Variants in QTGAL observed in about 807,000 individuals in gnomAD.
The protein encoded by QTGAL is queuosine-tRNA galactosyltransferase, also known as BGnT-like protein 1.
the QTGAL span, chr17:82,942,794 A>C: frequency 4.7e-6 from 2 of 425,298 alleles, no homozygotes; most frequent in Non-Finnish European, 8.4e-6. Context: ...GGTGGGCTGC[A>C]CTCCTCCTGC....
At chr17:83,020,712 T>C in the QTGAL span, among the ~76,000 whole-genome samples, 1 of 152,172 alleles carries the variant, frequency 6.6e-6, no homozygotes, top group South Asian at 2.1e-4. Flanking sequence ...CTCAAAGAGT[T>C]ACTGATTCTG....
chr17:83,015,083 C>T, the QTGAL span, among the ~76,000 whole-genome samples: 2 of 150,862 alleles, frequency 1.3e-5, no homozygotes, highest in African/African-American at 2.4e-5. The surrounding 1 kb of genome is among the most constrained non-coding windows in gnomAD (Gnocchi z 4.4). Flanking sequence ...TGGAGGGGAC[C>T]GTCTGCGGTG....
the QTGAL span, among the ~76,000 whole-genome samples, chr17:83,039,676 C>T: frequency 6.6e-6 from 1 of 152,208 alleles, no homozygotes; most frequent in Non-Finnish European, 1.5e-5. Context: ...GCTCATTTCA[C>T]ACCTCACAGC....
At chr17:83,000,165 C>T in the QTGAL span, among the ~76,000 whole-genome samples, 10 of 151,984 alleles carry the variant, frequency 6.6e-5, no homozygotes, top group Non-Finnish European at 1.3e-4. Flanking sequence ...GTTTCACCAT[C>T]TTGGCCAGGC....
chr17:82,971,376 G>A, the QTGAL span, among the ~76,000 whole-genome samples: 1 of 152,194 alleles, frequency 6.6e-6, no homozygotes, highest in Non-Finnish European at 1.5e-5. Flanking sequence ...AGAGCACTAG[G>A]GGCTGCACCT....
the QTGAL span, among the ~76,000 whole-genome samples, chr17:83,045,166 G>A: frequency 6.6e-6 from 1 of 152,136 alleles, no homozygotes; most frequent in Non-Finnish European, 1.5e-5. Context: ...AGAAAATTAA[G>A]AAAACAATTC....
At chr17:82,973,362 C>T in the QTGAL span, among the ~76,000 whole-genome samples, 1 of 152,140 alleles carries the variant, frequency 6.6e-6, no homozygotes, top group Admixed American at 6.5e-5. Flanking sequence ...AATCACTGAG[C>T]TATGAAGGAC....
the QTGAL span, among the ~76,000 whole-genome samples, chr17:82,991,753 T>C: frequency 6.6e-6 from 1 of 152,148 alleles, no homozygotes; most frequent in Non-Finnish European, 1.5e-5. Context: ...AACAGAGATA[T>C]GTGACCTTTC....
chr17:82,983,902 G>A, the QTGAL span, among the ~76,000 whole-genome samples: 1 of 152,222 alleles, frequency 6.6e-6, no homozygotes, highest in Admixed American at 6.5e-5. Flanking sequence ...GCCCTGGACT[G>A]TTGTCCTTAT....
chr17:83,048,977 GT>G, the QTGAL span: 1 of 562,470 alleles, frequency 1.8e-6, no homozygotes, highest in African/African-American at 1.9e-5. Flanking sequence ...CCTTCTACAT[GT>G]TTTTGAAAGT....
the QTGAL span, among the ~76,000 whole-genome samples, chr17:82,970,632 C>CGACCTCCCCACCCAGCGTGGCCGT: frequency 1.3e-4 from 4 of 29,862 alleles, 1 homozygote; most frequent in African/African-American, 3.7e-4. Flanking sequence ...GGCGTGGCCG[C>CGACCTCCCCACCCAGCGTGGCCGT]GACCTCCGCA....
chr17:83,026,199 A>C, the QTGAL span, among the ~76,000 whole-genome samples: 3 of 152,198 alleles, frequency 2.0e-5, no homozygotes, highest in Non-Finnish European at 4.4e-5. Flanking sequence ...CGGAATTCTA[A>C]GTGCTGGAGA....
chr17:82,983,491 T>G, the QTGAL span, among the ~76,000 whole-genome samples: 3 of 152,198 alleles, frequency 2.0e-5, no homozygotes, highest in Non-Finnish European at 2.9e-5. Flanking sequence ...GGGCACGCGT[T>G]AGAGACACAC....
the QTGAL span, among the ~76,000 whole-genome samples, chr17:83,051,510 C>A: frequency 6.6e-6 from 1 of 152,214 alleles, no homozygotes; most frequent in Non-Finnish European, 1.5e-5. Context: ...GCAGCCGGAG[C>A]TGCAGATCTC....
the QTGAL span, among the ~76,000 whole-genome samples, chr17:83,033,244 C>T: frequency 0.5 from 76,076 of 151,974 alleles, 19,300 homozygotes; most frequent in East Asian, 0.62. Flanking sequence ...AGTGACTCCC[C>T]CATGGAGACC....
At chr17:83,033,011 G>A in the QTGAL span, among the ~76,000 whole-genome samples, 2 of 152,260 alleles carry the variant, frequency 1.3e-5, no homozygotes, top group African/African-American at 4.8e-5. Context: ...CCCCGCGTAG[G>A]CAGGAGCTCT....
At chr17:83,026,801 G>A in the QTGAL span, among the ~76,000 whole-genome samples, 1 of 116,602 alleles carries the variant, frequency 8.6e-6, no homozygotes, top group African/African-American at 3.6e-5. Flanking sequence ...ACCCACCCTC[G>A]ACAGACACAC....
chr17:83,026,409 C>T, the QTGAL span, among the ~76,000 whole-genome samples: 28 of 152,384 alleles, frequency 1.8e-4, no homozygotes, highest in East Asian at 7.7e-4. Context: ...CGGATGTACA[C>T]GGCAGGTTTG....
At chr17:83,010,123 CT>C in the QTGAL span, among the ~76,000 whole-genome samples, 1 of 151,040 alleles carries the variant, frequency 6.6e-6, no homozygotes, top group Admixed American at 6.6e-5. Context: ...GCGGGGGCCC[CT>C]GGTGTGGGGT....
Sources: gnomAD v4.1 joint callset for allele counts (sites outside exome capture counted in the v4.1 genomes callset) on GRCh38, gnomAD v4.1.1 for gene constraint, Gnocchi (gnomAD v3.1) non-coding constraint, MANE v1.5 for transcripts, NCBI Gene and HGNC (gene_info 2026-07-23, HGNC 2026-07-21) for gene names.